PIDD1: variants seen among roughly 807,000 people sequenced by gnomAD.
The protein encoded by PIDD1 is p53-induced death domain protein 1, also known as p53-induced death domain-containing protein 1.
Under a neutral mutation model 80.0 loss-of-function variants are expected in PIDD1, and 72 were observed. The ratio of observed to expected loss-of-function variants is 0.90; its 90% CI spans 0.74 to 1.09. PIDD1 has a LOEUF of 1.09. Among genes scored for constraint, PIDD1 ranks in the 50% least tolerant of loss-of-function variants. The pLI is 0.00. For missense variants in PIDD1, 1,329 were observed against 1,228.3 expected (o/e 1.08, Z -1.23); for synonymous variants, 655 against 543.5 (o/e 1.21, Z -2.85).
intron 4 of PIDD1, 28 bp from the exon 5 acceptor site, chr11:802,625 G>A (rs1453793481): frequency 3.1e-6 from 5 of 1,609,984 alleles, no homozygotes; most frequent in African/African-American, 1.3e-5. Flanking sequence ...ATGTGCTCAG[G>A]ACAGTGAGGA....
intron 15 of PIDD1, 68 bp from the exon 16 acceptor site, chr11:799,633 C>T: frequency 6.7e-7 from 1 of 1,498,054 alleles, no homozygotes; most frequent in Non-Finnish European, 8.9e-7. Context: ...CACACTCTGC[C>T]TCGGAGTGTG....
At chr11:808,256 G>C (rs533266915), upstream of PIDD1, among the ~76,000 whole-genome samples, 1 of 151,840 alleles carries the variant, frequency 6.6e-6, no homozygotes, top group African/African-American at 2.4e-5. Context: ...GTGAAACCCC[G>C]TCTGTACTAA....
Position 799,843 on chromosome 11 carries a change from C to A in PIDD1, c.2446G>T (p.Glu816Ter), listed in dbSNP as rs779896253. 3.1e-6 allele frequency: 5 copies of A among 1,604,464 alleles called. No individual in the cohort carries two copies. The highest frequency in any genetic ancestry group is 1.7e-5 in the Admixed American group (1 of 59,218). ...VALHLGVSYR[E>*]VQRIRHEFRD... ...AACTCGTGCCGGATGCGCTGCACCT[C>A]CCGGTAGGACACCCCCAGGTGCAGG... Residue 816 changes from glutamate (E) to a stop codon, truncating the protein, a stop_gained, in exon 15 of 16, where the codon GAG becomes TAG. Coordinates refer to ENST00000347755, the MANE Select transcript of PIDD1 (RefSeq NM_145886.4). LOFTEE classifies it high-confidence loss of function.
At chr11:805,755 A>C, upstream of PIDD1, 1 of 857,586 alleles carries the variant, frequency 1.2e-6, no homozygotes, top group Non-Finnish European at 1.4e-6. Context: ...AGAAGCAGTG[A>C]GCCTCCTGGC....
upstream of PIDD1, among the ~76,000 whole-genome samples, chr11:808,669 C>A (rs146889888): frequency 1.7e-3 from 261 of 152,326 alleles, 1 homozygote; most frequent in African/African-American, 5.8e-3. Context: ...GCACTCCAGG[C>A]TGGGCGACAG....
chr11:803,240 C>T lies in PIDD1; in HGVS notation c.643G>A (p.Gly215Ser). ...TTGAGCTCCAGGAGGCTGCCCAGGC[C>T]TCCAATCTCAGGAGGTAGCGTGTCC... ...LLDTLPPEIGGLGSLLELNLA... is the reference protein window; with the variant it reads ...LLDTLPPEIGSLGSLLELNLA... Residue 215 changes from glycine (G) to serine (S), a missense_variant, in exon 3 of 16, where the codon GGC (glycine) becomes AGC (serine). Transcript: ENST00000347755. The T allele has an allele frequency of 6.2e-7, 1 of 1,612,862 alleles. No individual in the cohort carries two copies. The highest frequency in any genetic ancestry group is 8.5e-7 in the Non-Finnish European group (1 of 1,179,940).
intron 2 of PIDD1, 139 bp downstream of exon 2, chr11:803,955 A>G: frequency 1.1e-6 from 1 of 935,930 alleles, no homozygotes; most frequent in East Asian, 2.6e-5. Context: ...CAGGACCAAG[A>G]GCAGAACAGT....
chr11:804,061 A>G, intron 2 of PIDD1, 33 bp downstream of exon 2: 1 of 1,569,962 alleles, frequency 6.4e-7, no homozygotes, highest in Non-Finnish European at 8.7e-7. Flanking sequence ...AGAGCGAGAG[A>G]TGGAGACAGG....
In PIDD1 at chr11:799,861, G is replaced by A. The variant is rs781107602; in HGVS notation, c.2428C>T (p.Leu810=). Residue 810 remains leucine (L), a synonymous_variant, in exon 15 of 16, where the codon CTG becomes TTG. Transcript: ENST00000347755. ...TGCACCTCCCGGTAGGACACCCCCAGGTGCAGGGCCACGGCTGGCCAGTCC... is the reference window on the plus strand; with the variant it reads ...TGCACCTCCCGGTAGGACACCCCCAAGTGCAGGGCCACGGCTGGCCAGTCC... The part of the protein sequence containing the change: ...GLDWPAVALH[L]GVSYREVQRI... The A allele has an allele frequency of 1.9e-6, 3 of 1,609,754 alleles. No homozygotes were observed. Among genetic ancestry groups the A allele is most frequent in the South Asian group, 1.1e-5 (1 of 90,926 alleles).
rs985206863 is a variant in PIDD1, at chr11:801,471, C to T, written c.1456G>A (p.Glu486Lys). 5.8e-6 allele frequency: 9 copies of T among 1,543,884 alleles called. No homozygotes were observed. Among genetic ancestry groups the T allele is most frequent in the Non-Finnish European group, 7.9e-6 (9 of 1,142,352 alleles). ...TGCATGGAGACTCGACGAGGCTCCT[C>T]AGTGGCCCCAGGGGGGAAGATGACT... Reference protein sequence around the residue: ...VKVIFPPGATEEPRRVSMQVV... With the variant: ...VKVIFPPGATKEPRRVSMQVV... Residue 486 changes from glutamate to lysine, a missense_variant, in exon 8 of 16, where the codon GAG becomes AAG. Physicochemically the swap from Glu to Lys is moderately conservative, Grantham distance 56. Coordinates refer to ENST00000347755, the MANE Select transcript of PIDD1 (RefSeq NM_145886.4).
chr11:801,982 C>G lies in PIDD1; in HGVS notation c.1285G>C (p.Glu429Gln). Residue 429 changes from glutamate to glutamine, a missense_variant, in exon 7 of 16, where the codon GAG (glutamate) becomes CAG (glutamine). Transcript: ENST00000347755. ...NSWGDLETYL[E>Q]EEAPQRLWAH... ...GCCCTCACCTGGGGTGCCTCTTCCT[C>G]CAGGTAGGTCTCCAGGTCACCCCAG... is the stretch of plus-strand genomic sequence containing the variant. 1 of 1,603,312 alleles carries G rather than the reference C, an allele frequency of 6.2e-7. No individual in the cohort carries two copies. The highest frequency in any genetic ancestry group is 8.5e-7 in the Non-Finnish European group (1 of 1,175,602).
At position 801,347 on chromosome 11, in the gene PIDD1, G is replaced by A. The variant is rs755398527; in HGVS notation, c.1501C>T (p.Arg501Ter). The A allele has an allele frequency of 1.2e-5, 19 of 1,609,172 alleles. No individual in the cohort carries two copies. Among genetic ancestry groups the A allele is most frequent in the Middle Eastern group, 1.6e-4 (1 of 6,064 alleles). Residue 501 changes from arginine to a stop codon, truncating the protein, a stop_gained, in exon 9 of 16, where the codon CGA (arginine) becomes TGA (stop). Coordinates refer to ENST00000347755, the MANE Select transcript of PIDD1 (RefSeq NM_145886.4). LOFTEE classifies it high-confidence loss of function. Reference protein sequence around the residue: ...VSMQVVRMAGRELQALLGEPE... With the variant: ...VSMQVVRMAG ...TCTCCCAGGAGGGCCTGCAGCTCTC[G>A]GCCAGCCATGCGCACCACCTGGGGC...
chr11:802,059 G>A lies in PIDD1; in HGVS notation c.1208C>T (p.Pro403Leu), dbSNP rs181409051. Residue 403 changes from proline to leucine, a missense_variant, in exon 7 of 16, where the codon CCG (proline) becomes CTG (leucine). By Grantham distance (98) the Pro-to-Leu change is moderately conservative (BLOSUM62 -3). Coordinates refer to ENST00000347755, the MANE Select transcript of PIDD1 (RefSeq NM_145886.4). The part of the protein sequence containing the change: ...DVGLWLLFTP[P>L]QARRCREVVV... ...CACTTCACGGCAGCGCCGGGCCTGC[G>A]GTGGGGTGAAGAGCAGCCACAGCCC... 9.5e-6 allele frequency: 15 copies of A among 1,583,444 alleles called. No individual in the cohort carries two copies. Among genetic ancestry groups the A allele is most frequent in the East Asian group, 4.6e-5 (2 of 43,498 alleles).
At position 802,101 on chromosome 11, in the gene PIDD1, A is replaced by T; in HGVS notation, c.1177-11T>A. The T allele has an allele frequency of 6.3e-7, 1 of 1,575,432 alleles. No homozygotes were observed. Among genetic ancestry groups the T allele is most frequent in the Non-Finnish European group, 8.6e-7 (1 of 1,161,244 alleles). On this transcript the variant is annotated splice_polypyrimidine_tract_variant and intron_variant, in intron 6 of 15. Coordinates refer to ENST00000347755, the MANE Select transcript of PIDD1 (RefSeq NM_145886.4). ...CCACAGCCCCACATCCTGCCAGACA[A>T]GGATGGTGTGAGCACTGGAGCCATG...
chr11:801,702 G>T, intron 7 of PIDD1, 78 bp from the exon 8 acceptor site: 1 of 1,287,804 alleles, frequency 7.8e-7, no homozygotes, highest in Non-Finnish European at 1.1e-6. Context: ...GCAGGATCCA[G>T]GAGAGACGGG....
rs1865391059 is a variant in PIDD1, at chr11:802,074, AGCCACAGCCCCACAT to A, written c.1178_1192del (p.Asp393_Leu398delinsVal). 1.9e-6 allele frequency: 3 copies of A among 1,580,020 alleles called. No homozygotes were observed. In the African/African-American group the frequency reaches 4.0e-5, roughly 21 times the overall value. On this transcript the variant is annotated inframe_deletion and splice_region_variant, in exon 7 of 16. Transcript: ENST00000347755. ...CCGGGCCTGCGGTGGGGTGAAGAGC[AGCCACAGCCCCACAT>A]CCTGCCAGACAAGGATGGTGTGAGC...
chr11:805,293 C>A (rs898862351), upstream of PIDD1: 2 of 878,370 alleles, frequency 2.3e-6, no homozygotes, highest in South Asian at 5.1e-5. Flanking sequence ...TTGGGCCCCG[C>A]CCCCTCGGGA....
intron 2 of PIDD1, 137 bp from the exon 3 acceptor site, chr11:803,724 C>CA: frequency 1.0e-6 from 1 of 999,868 alleles, no homozygotes; most frequent in Non-Finnish European, 1.5e-6. Flanking sequence ...CAGGGACAGA[C>CA]AGACAGAAAC....
intron 1 of PIDD1, 76 bp downstream of exon 1, chr11:805,103 G>T (rs948703394): frequency 1.6e-6 from 1 of 608,596 alleles, no homozygotes; most frequent in Non-Finnish European, 2.1e-6. Flanking sequence ...GGGCGTCGGG[G>T]ATGGGAACGG....
Sources: gnomAD v4.1 joint callset for allele counts (sites outside exome capture counted in the v4.1 genomes callset) on GRCh38, gnomAD v4.1.1 for gene constraint, MANE v1.5 for transcripts, NCBI Gene and HGNC (gene_info 2026-07-23, HGNC 2026-07-21) for gene names.